Variants in HCN1 observed in about 807,000 individuals in gnomAD.
HCN1 encodes hyperpolarization activated cyclic nucleotide gated potassium channel 1, also known as potassium/sodium hyperpolarization-activated cyclic nucleotide-gated channel 1.
Under a neutral mutation model 78.9 loss-of-function variants are expected in HCN1, and 13 were observed. The observed-to-expected ratio is 0.16, with a 90% CI of 0.11 to 0.26. The LOEUF is 0.26. HCN1 is among the 10% of genes least tolerant of loss of function. HCN1 has a pLI of 1.00. For synonymous variants in HCN1, 552 were observed against 455.5 expected, an observed-to-expected ratio of 1.21 and a Z score of -2.70; for missense variants, 810 against 1,154.3, an observed-to-expected ratio of 0.70 and a Z score of 4.32.
intron 1 of HCN1, among the ~76,000 whole-genome samples, chr5:45,679,052 A>G (rs925214872): frequency 6.6e-6 from 1 of 152,038 alleles, no homozygotes; most frequent in Non-Finnish European, 1.5e-5. Flanking sequence ...AATTCCTAAA[A>G]GTGTATAAAT....
At chr5:45,606,525 G>A (rs886573114) in intron 2 of HCN1, among the ~76,000 whole-genome samples, 1 of 151,754 alleles carries the variant, frequency 6.6e-6, no homozygotes, top group Admixed American at 6.6e-5. Context: ...GAAGCACAGG[G>A]CTTTCAAGCA....
At chr5:45,363,604 T>A (rs1201337852) in intron 4 of HCN1, among the ~76,000 whole-genome samples, 2 of 152,036 alleles carry the variant, frequency 1.3e-5, no homozygotes, top group Non-Finnish European at 2.9e-5. Flanking sequence ...TGTGTCCACA[T>A]TCAAATCTCA....
Position 45,262,737 on chromosome 5 carries a change from G to C in HCN1, c.1857C>G (p.Asn619Lys), listed in dbSNP as rs754531784. 6.2e-7 allele frequency: 1 copy of C among 1,614,120 alleles called. No homozygotes were observed. Among genetic ancestry groups the C allele is most frequent in the Non-Finnish European group, 8.5e-7 (1 of 1,180,008 alleles). The change falls in exon 8 of 8, where the codon AAC becomes AAG. Residue 619 changes from asparagine to lysine, a missense_variant. This residue lies in a region of HCN1 where 398 missense variants were observed against 381.3 expected (regional missense o/e 1.04). Coordinates refer to ENST00000303230, the MANE Select transcript of HCN1 (RefSeq NM_021072.4). ...GTTTCACAATCTGCTTGAGGATTTCGTTCTCCTGATTGTTGAAAACACCAG... is the reference window on the plus strand; with the variant it reads ...GTTTCACAATCTGCTTGAGGATTTCCTTCTCCTGATTGTTGAAAACACCAG... ...LNTGVFNNQE[N>K]EILKQIVKHD...
chr5:45,309,613 A>G (rs567491614), intron 5 of HCN1, among the ~76,000 whole-genome samples: 3 of 152,158 alleles, frequency 2.0e-5, no homozygotes, highest in South Asian at 4.1e-4. Flanking sequence ...TCCTGCATCT[A>G]TTGAGATAAT....
intron 4 of HCN1, among the ~76,000 whole-genome samples, chr5:45,383,499 C>T (rs1747847751): frequency 6.6e-6 from 1 of 152,054 alleles, no homozygotes; most frequent in Admixed American, 6.6e-5. Flanking sequence ...AGTTTCAGAC[C>T]AGCCTGGCAA....
At chr5:45,506,868 ATTAATATAT>A (rs1248634634) in intron 2 of HCN1, among the ~76,000 whole-genome samples, 3 of 152,186 alleles carry the variant, frequency 2.0e-5, no homozygotes, top group Non-Finnish European at 2.9e-5. Flanking sequence ...AAGAAACATC[ATTAATATAT>A]TTATAACAAA....
chr5:45,611,454 T>C (rs1744835532), intron 2 of HCN1, among the ~76,000 whole-genome samples: 1 of 151,710 alleles, frequency 6.6e-6, no homozygotes, highest in South Asian at 2.1e-4. Context: ...GTATTTTTTG[T>C]GGAGACAGAG....
intron 2 of HCN1, among the ~76,000 whole-genome samples, chr5:45,596,906 G>A (rs891155814): frequency 1.3e-5 from 2 of 152,056 alleles, no homozygotes; most frequent in Non-Finnish European, 2.9e-5. Flanking sequence ...GAAAGAATAG[G>A]TGTTTAATAT....
chr5:45,594,740 C>T (rs1744449832), intron 2 of HCN1, among the ~76,000 whole-genome samples: 1 of 152,152 alleles, frequency 6.6e-6, no homozygotes, highest in Non-Finnish European at 1.5e-5. Context: ...GGAGATGTCT[C>T]CTTAAGTAAC....
At chr5:45,490,324 G>A (rs1367866079) in intron 2 of HCN1, among the ~76,000 whole-genome samples, 1 of 152,068 alleles carries the variant, frequency 6.6e-6, no homozygotes, top group East Asian at 1.9e-4. Flanking sequence ...TGATAGATTC[G>A]CTATAAATTT....
chr5:45,472,100 CA>C (rs1741403683), intron 2 of HCN1, among the ~76,000 whole-genome samples: 1 of 151,916 alleles, frequency 6.6e-6, no homozygotes, highest in Non-Finnish European at 1.5e-5. Flanking sequence ...TCTCATCTCT[CA>C]CCCTTGTTCT....
intron 2 of HCN1, among the ~76,000 whole-genome samples, chr5:45,467,516 G>A (rs574629718): frequency 3.0e-4 from 46 of 151,932 alleles, no homozygotes; most frequent in Non-Finnish European, 5.3e-4. Context: ...GTCAACTTCT[G>A]ATTAATCAAA....
intron 1 of HCN1, among the ~76,000 whole-genome samples, chr5:45,691,366 G>A (rs1432105566): frequency 6.6e-6 from 1 of 151,990 alleles, no homozygotes; most frequent in Non-Finnish European, 1.5e-5. Context: ...TATTTTAATA[G>A]TATAAATCAT....
chr5:45,375,782 A>G (rs1404294661), intron 4 of HCN1, among the ~76,000 whole-genome samples: 1 of 100,602 alleles, frequency 9.9e-6, no homozygotes, highest in Non-Finnish European at 1.9e-5. Context: ...CTTATATATA[A>G]TATAATATTT....
At position 45,255,331 on chromosome 5, in the gene HCN1, G is replaced by T. The variant is rs984238095; in HGVS notation, c.*6590C>A. 2.6e-5 allele frequency: 4 copies of T among 152,188 alleles called. No individual in the cohort carries two copies. Among genetic ancestry groups the T allele is most frequent in the African/African-American group, 9.6e-5 (4 of 41,452 alleles). 9.4% of individuals were successfully genotyped at this position (152,188 alleles called of 1,614,324 possible). On this transcript the variant is annotated 3_prime_UTR_variant, in exon 8 of 8. Coordinates refer to ENST00000303230, the MANE Select transcript of HCN1 (RefSeq NM_021072.4). Reference sequence around the variant, plus strand: ...TCCAGAAATGTCTTCACACTTGGAAGTTCCCTTAAAAAGCCCTTAAAATTT... The same window carrying T: ...TCCAGAAATGTCTTCACACTTGGAATTTCCCTTAAAAAGCCCTTAAAATTT...
chr5:45,459,580 A>G (rs1020829996), intron 3 of HCN1, among the ~76,000 whole-genome samples: 7 of 152,072 alleles, frequency 4.6e-5, no homozygotes, highest in African/African-American at 1.7e-4. Flanking sequence ...TGTTTAAAGA[A>G]AAACAAGAAT....
chr5:45,384,218 C>T (rs933216654), intron 4 of HCN1, among the ~76,000 whole-genome samples: 2 of 151,996 alleles, frequency 1.3e-5, no homozygotes, highest in African/African-American at 4.8e-5. Context: ...GCTTACAATG[C>T]CAAGTACATT....
At chr5:45,563,529 A>G (rs2111886344) in intron 2 of HCN1, among the ~76,000 whole-genome samples, 1 of 152,204 alleles carries the variant, frequency 6.6e-6, no homozygotes, top group Non-Finnish European at 1.5e-5. Context: ...GAATTGAACA[A>G]TATGTTGAAA....
intron 5 of HCN1, among the ~76,000 whole-genome samples, chr5:45,309,016 T>C (rs1745794911): frequency 1.3e-5 from 2 of 152,198 alleles, no homozygotes; most frequent in African/African-American, 4.8e-5. Context: ...TGTTTTTCCA[T>C]TTGTTTGTAT....
Sources: allele counts gnomAD v4.1 joint callset (sites outside exome capture counted in the v4.1 genomes callset), GRCh38; gene constraint gnomAD v4.1.1; regional missense constraint gnomAD v4.1.1; transcripts MANE v1.5; gene names NCBI Gene and HGNC (gene_info 2026-07-23, HGNC 2026-07-21).